Variants in IFNAR2 observed in about 807,000 individuals in gnomAD.
IFNAR2 encodes the protein interferon alpha/beta receptor 2.
In IFNAR2, 30 loss-of-function variants were observed where a neutral mutation model predicts 49.4. That is an observed-to-expected ratio of 0.61 (90% CI 0.45 to 0.82). The LOEUF (loss-of-function observed/expected upper bound fraction) is 0.82. Ranked by LOEUF, IFNAR2 falls within the 40% of genes least tolerant of loss-of-function variation. The pLI, the probability that IFNAR2 is intolerant of heterozygous loss-of-function variation, is 0.00. For synonymous variants in IFNAR2, 224 were observed against 234.5 expected, an observed-to-expected ratio of 0.96 and a Z score of 0.41; for missense variants, 600 against 622.7, an observed-to-expected ratio of 0.96 and a Z score of 0.39.
intron 8 of IFNAR2, among the ~76,000 whole-genome samples, chr21:33,262,364 CAAAAAAAAAA>C (rs58341848): frequency 2.1e-5 from 2 of 96,368 alleles, no homozygotes; most frequent in Admixed American, 2.4e-4. Context: ...ACTCCCGTCT[CAAAAAAAAAA>C]AAAAAAAAAA....
At chr21:33,246,101 C>A (rs1360351509) in intron 4 of IFNAR2, among the ~76,000 whole-genome samples, 2 of 149,316 alleles carry the variant, frequency 1.3e-5, no homozygotes, top group Non-Finnish European at 3.0e-5. Context: ...GACGGAGTCT[C>A]ACTGTGTCAC....
rs746775306 is a variant in IFNAR2 at position 33,260,728 on chromosome 21, G to T, written c.840+1G>T. Reference sequence around the variant, plus strand: ...AAGAAATAGCCTCCCCAAAGTCTTGGTAGGTAGTTTTTTTGTTTTGTTTTG... The same window carrying T: ...AAGAAATAGCCTCCCCAAAGTCTTGTTAGGTAGTTTTTTTGTTTTGTTTTG... On this transcript the variant is annotated splice_donor_variant, in intron 8 of 8. Transcript: ENST00000342136. LOFTEE classifies it high-confidence loss of function. 4.0e-6 allele frequency: 6 copies of T among 1,486,378 alleles called. No individual in the cohort carries two copies. In the Admixed American group the frequency reaches 7.6e-5, roughly 19 times the overall value. The allele number at this position is 1,486,378 out of a possible 1,614,324, so 92.1% of individuals were successfully genotyped here. A position where few individuals can be genotyped will look rare whatever the true frequency, so the allele number is the denominator to read the frequency against.
At chr21:33,240,294 G>A (rs1986825450) in intron 1 of IFNAR2, among the ~76,000 whole-genome samples, 1 of 152,162 alleles carries the variant, frequency 6.6e-6, no homozygotes, top group Non-Finnish European at 1.5e-5. Flanking sequence ...CCACTGTGTT[G>A]CAACTGCTTA....
intron 7 of IFNAR2, among the ~76,000 whole-genome samples, chr21:33,257,293 C>G (rs1988270767): frequency 6.6e-6 from 1 of 152,176 alleles, no homozygotes; most frequent in Non-Finnish European, 1.5e-5. Flanking sequence ...CGCAGACCTT[C>G]CTGGTGAGCG....
chr21:33,261,035 CTTTTTTTTTTTTT>C (rs368696822), intron 8 of IFNAR2, among the ~76,000 whole-genome samples: 5 of 95,998 alleles, frequency 5.2e-5, no homozygotes, highest in Non-Finnish European at 7.6e-5. Context: ...GTTTTCTTTC[CTTTTTTTTTTTTT>C]TTTTTTTTGA....
rs758998735 is a variant in IFNAR2 at position 33,263,174 on chromosome 21, G to A, written c.1222G>A (p.Glu408Lys). ...RKSPLQDPFP[E>K]EDYSSTEGSG... ...GAGTCCACTCCAGGACCCTTTTCCC[G>A]AAGAGGACTACAGCTCCACGGAGGG... is the stretch of plus-strand genomic sequence containing the variant. Residue 408 changes from glutamate to lysine, a missense_variant, in exon 9 of 9, where the codon GAA (glutamate) becomes AAA (lysine). Glu to Lys is a moderately conservative substitution (Grantham distance 56). Transcript: ENST00000342136. 97 of 1,614,086 alleles carry A rather than the reference G, an allele frequency of 6.0e-5. No individual in the cohort carries two copies. Among genetic ancestry groups the A allele is most frequent in the African/African-American group, 2.3e-4 (17 of 74,934 alleles).
intron 1 of IFNAR2, among the ~76,000 whole-genome samples, chr21:33,231,197 C>G (rs1986037617): frequency 6.6e-6 from 1 of 152,116 alleles, no homozygotes; most frequent in African/African-American, 2.4e-5. Flanking sequence ...GTCCACCCAC[C>G]CCCTATCCAC....
rs758881162 is a variant in IFNAR2, at chr21:33,252,657, T to C, written c.541-5T>C. The C allele has an allele frequency of 1.6e-5, 25 of 1,610,968 alleles. No homozygotes were observed. Among genetic ancestry groups the C allele is most frequent in the Non-Finnish European group, 2.1e-5 (25 of 1,178,938 alleles). ...GTCTTACTGATTTTTTGCTTATGTTTACAGCATAAACCCGAAATAAAAGGA... is the reference window on the plus strand; with the variant it reads ...GTCTTACTGATTTTTTGCTTATGTTCACAGCATAAACCCGAAATAAAAGGA... On this transcript the variant is annotated splice_region_variant and splice_polypyrimidine_tract_variant and intron_variant, in intron 6 of 8. Transcript: ENST00000342136.
Position 33,230,616 on chromosome 21 carries a change from CCGGCTCACCAGCTGGGTGCTCAGGTT to C in IFNAR2, c.-84+404_-84+429del. ...TCCAGGTCCACCCCGCCTTGCAAAA[CCGGCTCACCAGCTGGGTGCTCAGGTT>C]CGGGATCTCCAGCCCGCCCCCTTGA... On this transcript the variant is annotated intron_variant, in intron 1 of 8. Coordinates refer to ENST00000342136, the MANE Select transcript of IFNAR2 (RefSeq NM_001289125.3). The surrounding 1 kb of genome is among the most constrained non-coding windows in gnomAD (Gnocchi z 5.5). The C allele has an allele frequency of 2.1e-6, 1 of 470,000 alleles. No homozygotes were observed. The highest frequency in any genetic ancestry group is 4.4e-6 in the Non-Finnish European group (1 of 226,440). The allele number at this position is 470,000 out of a possible 1,614,324, so 29.1% of individuals were successfully genotyped here.
intron 4 of IFNAR2, among the ~76,000 whole-genome samples, chr21:33,245,615 G>A (rs1664807723): frequency 6.6e-6 from 1 of 152,204 alleles, no homozygotes; most frequent in African/African-American, 2.4e-5. Flanking sequence ...CTCTGCTGAG[G>A]GGTTGCTGCA....
chr21:33,238,081 A>G (rs1331598822), intron 1 of IFNAR2, among the ~76,000 whole-genome samples: 1 of 152,120 alleles, frequency 6.6e-6, no homozygotes, highest in Non-Finnish European at 1.5e-5. Flanking sequence ...CGTATCATCA[A>G]ATGCTTCAAC....
Position 33,262,457 on chromosome 21 carries a change from A to G in IFNAR2, c.841-336A>G, listed in dbSNP as rs1988667600. 4.9e-6 allele frequency: 3 copies of G among 615,906 alleles called. No individual in the cohort carries two copies. The South Asian group carries it at 5.7e-5, about 12-fold the overall frequency. 38.2% of individuals were successfully genotyped at this position (615,906 alleles called of 1,614,324 possible). On this transcript the variant is annotated intron_variant, in intron 8 of 8. Coordinates refer to ENST00000342136, the MANE Select transcript of IFNAR2 (RefSeq NM_001289125.3). ...ATATAAAGCACCAAGAGTCATGCCC[A>G]GCATATAGTAAGCATGGTGTAACTG...
At chr21:33,237,516 C>CA (rs1986572181) in intron 1 of IFNAR2, among the ~76,000 whole-genome samples, 1 of 152,182 alleles carries the variant, frequency 6.6e-6, no homozygotes, top group Non-Finnish European at 1.5e-5. Context: ...GCCTGGGTGA[C>CA]AGAGTGAGAC....
At position 33,247,254 on chromosome 21, in the gene IFNAR2, C is replaced by CTTTTTTTTTTTTTTTTTTTTTTTT. The variant is rs59707670; in HGVS notation, c.394+379_394+380insTTTTTTTTTTTTTTTTTTTTTTTT. Among the ~76,000 whole-genome samples, 27 of 91,572 alleles carry CTTTTTTTTTTTTTTTTTTTTTTTT rather than the reference C, an allele frequency of 2.9e-4. 1 individual carries two copies. The highest frequency in any genetic ancestry group is 3.8e-4 in the African/African-American group (9 of 23,800). 60.1% of individuals were successfully genotyped at this position (91,572 alleles called of 152,430 possible). Reference sequence around the variant, plus strand: ...ATTTTCTTTCTTTCTTTCTTTCTTTCTTTTTTTTTTTTTTTGAGATGGAGT... The same window carrying CTTTTTTTTTTTTTTTTTTTTTTTT: ...ATTTTCTTTCTTTCTTTCTTTCTTTCTTTTTTTTTTTTTTTTTTTTTTTTTTTTTTTTTTTTTTTGAGATGGAGT... On this transcript the variant is annotated intron_variant, in intron 5 of 8. Transcript: ENST00000342136.
At chr21:33,240,284 C>G (rs1480958081) in intron 1 of IFNAR2, among the ~76,000 whole-genome samples, 1 of 152,202 alleles carries the variant, frequency 6.6e-6, no homozygotes, top group Non-Finnish European at 1.5e-5. Context: ...TACACAAATG[C>G]CACTGTGTTG....
chr21:33,238,127 A>T (rs143917555), intron 1 of IFNAR2, among the ~76,000 whole-genome samples: 1 of 152,280 alleles, frequency 6.6e-6, no homozygotes, highest in East Asian at 1.9e-4. Flanking sequence ...GAAAAATGCA[A>T]GTTAGCTCCC....
intron 2 of IFNAR2, among the ~76,000 whole-genome samples, chr21:33,242,447 G>T (rs1176120942): frequency 6.6e-6 from 1 of 152,108 alleles, no homozygotes; most frequent in Non-Finnish European, 1.5e-5. Flanking sequence ...AAGATCTCGT[G>T]TGTGTCCGGG....
At chr21:33,241,091 A>G (rs1242327519) in intron 1 of IFNAR2, among the ~76,000 whole-genome samples, 2 of 152,210 alleles carry the variant, frequency 1.3e-5, no homozygotes, top group Non-Finnish European at 2.9e-5. Context: ...CTTAATGGGT[A>G]TAATGTATAC....
intron 6 of IFNAR2, among the ~76,000 whole-genome samples, chr21:33,250,699 AG>A (rs1490397909): frequency 2.0e-4 from 31 of 152,162 alleles, no homozygotes; most frequent in African/African-American, 7.5e-4. Context: ...CAGCACACCC[AG>A]ATAATTTTTT....
Sources: allele counts gnomAD v4.1 joint callset (sites outside exome capture counted in the v4.1 genomes callset), GRCh38; gene constraint gnomAD v4.1.1; non-coding constraint Gnocchi (gnomAD v3.1); transcripts MANE v1.5; gene names NCBI Gene and HGNC (gene_info 2026-07-23, HGNC 2026-07-21).